The following DPYSL4 variants were observed in gnomAD, a reference collection of about 807,000 sequenced individuals.
DPYSL4 encodes the protein dihydropyrimidinase like 4, also known as dihydropyrimidinase-related protein 4.
DPYSL4 carries 43 observed loss-of-function variants against 63.4 expected under a neutral mutation model. The ratio of observed to expected loss-of-function variants is 0.68; its 90% CI spans 0.53 to 0.88. DPYSL4 has a LOEUF of 0.88. Ranked by LOEUF, DPYSL4 falls within the 40% of genes least tolerant of loss-of-function variation. The pLI is 0.00. For missense variants in DPYSL4, 733 were observed against 819.5 expected (o/e 0.89, Z 1.29); for synonymous variants, 353 against 331.7 (o/e 1.06, Z -0.70).
rs368052882 is a variant in DPYSL4, at chr10:132,202,759, G to A, written c.1395G>A (p.Ala465=). ...EDGKMFVTPG[A]GRFVPRKTFP... is the part of the protein sequence containing the mutation. ...GGAAGATGTTTGTCACCCCGGGGGC[G>A]GGCCGCTTCGTCCCTCGGAAAACAT... The change falls in exon 12 of 14, where the codon GCG becomes GCA. Residue 465 remains alanine, a synonymous_variant. Transcript: ENST00000338492. 99 of 1,612,762 alleles carry A rather than the reference G, an allele frequency of 6.1e-5. No homozygotes were observed. In the African/African-American group the frequency reaches 6.7e-4, roughly 11 times the overall value.
Position 132,192,695 on chromosome 10 carries a change from A to G in DPYSL4, c.166A>G (p.Lys56Glu). 1.9e-6 allele frequency: 3 copies of G among 1,612,846 alleles called. No homozygotes were observed. Among genetic ancestry groups the G allele is most frequent in the East Asian group, 2.2e-5 (1 of 44,856 alleles). Residue 56 changes from lysine (K) to glutamate (E), a missense_variant, in exon 3 of 14, where the codon AAG becomes GAG. By Grantham distance (56) the Lys-to-Glu change is moderately conservative (BLOSUM62 1). Coordinates refer to ENST00000338492, the MANE Select transcript of DPYSL4 (RefSeq NM_006426.3). ...AAACCTCATCGTCCCTGGGGGCATC[A>G]AGACCATTGACGCCCACGGCCTGAT... ...GENLIVPGGI[K>E]TIDAHGLMVL... is the part of the protein sequence containing the mutation.
rs1274378002 is a variant in DPYSL4 at position 132,196,926 on chromosome 10, A to G, written c.540+4A>G. On this transcript the variant is annotated splice_donor_region_variant and intron_variant, in intron 5 of 13. Transcript: ENST00000338492. Reference sequence around the variant, plus strand: ...GTGCCAGTGCAGCGACAGCCAGGTAAGGGCAGGCGTGGGGAACGGAGTGGG... The same window carrying G: ...GTGCCAGTGCAGCGACAGCCAGGTAGGGGCAGGCGTGGGGAACGGAGTGGG... The G allele has an allele frequency of 6.2e-7, 1 of 1,606,048 alleles. No individual in the cohort carries two copies. The highest frequency in any genetic ancestry group is 1.7e-5 in the Admixed American group (1 of 59,394).
rs763285922 is a variant in DPYSL4, at chr10:132,204,925, T to C, written c.1714T>C (p.Ser572Pro). ...PGGRSNITSL[S>P] ...CGGCCGCTCCAACATCACCTCTCTC[T>C]CCTAGACGCCCAGGACCGGCCCTGT... Residue 572 changes from serine (S) to proline (P), a missense_variant, in exon 14 of 14, where the codon TCC (serine) becomes CCC (proline). Coordinates refer to ENST00000338492, the MANE Select transcript of DPYSL4 (RefSeq NM_006426.3). 3 of 1,609,186 alleles carry C rather than the reference T, an allele frequency of 1.9e-6. No individual in the cohort carries two copies. The highest frequency in any genetic ancestry group is 1.1e-5 in the South Asian group (1 of 90,582).
intron 12 of DPYSL4, 23 bp from the exon 13 acceptor site, chr10:132,203,739 C>T: frequency 3.8e-6 from 6 of 1,589,336 alleles, no homozygotes; most frequent in Non-Finnish European, 5.2e-6. Flanking sequence ...CATGCCCTGT[C>T]TCTGCCCCCA....
At chr10:132,202,185 G>A (rs1281646484) in intron 11 of DPYSL4, 69 bp downstream of exon 11, 2 of 1,558,476 alleles carry the variant, frequency 1.3e-6, no homozygotes, top group Non-Finnish European at 1.7e-6. Context: ...GCCTTCCCAG[G>A]AGAGGCGCAG....
chr10:132,200,358 G>C lies in DPYSL4; in HGVS notation c.814G>C (p.Val272Leu). ...DAIAQAKRRG[V>L]VVFGEPITAS... ...CTCTCATGGGCCTCGTGCTGCAGGG[G>C]TGGTCGTGTTTGGGGAGCCCATCAC... The change falls in exon 9 of 14, where the codon GTG (valine) becomes CTG (leucine). Residue 272 changes from valine to leucine, a missense_variant and splice_region_variant. Transcript: ENST00000338492. 1 of 1,613,178 alleles carries C rather than the reference G, an allele frequency of 6.2e-7. No homozygotes were observed. The highest frequency in any genetic ancestry group is 8.5e-7 in the Non-Finnish European group (1 of 1,179,862).
intron 2 of DPYSL4, chr10:132,192,428 C>T (rs2061890314): frequency 3.4e-6 from 4 of 1,181,644 alleles, no homozygotes; most frequent in South Asian, 3.6e-5. Flanking sequence ...AACCACAGGG[C>T]GTGGCGTCTG....
chr10:132,204,245 C>G (rs1040460601), intron 13 of DPYSL4, among the ~76,000 whole-genome samples: 1 of 152,176 alleles, frequency 6.6e-6, no homozygotes, highest in Non-Finnish European at 1.5e-5. Flanking sequence ...GAGGCCTTGA[C>G]GAGGATCTCA....
chr10:132,199,498 G>A (rs2061985011), intron 8 of DPYSL4, among the ~76,000 whole-genome samples: 1 of 152,030 alleles, frequency 6.6e-6, no homozygotes, highest in Non-Finnish European at 1.5e-5. Flanking sequence ...TGGAGCCCCA[G>A]CAATCACTGG....
chr10:132,188,487 C>T (rs764720213), intron 1 of DPYSL4, among the ~76,000 whole-genome samples: 3 of 152,218 alleles, frequency 2.0e-5, no homozygotes, highest in African/African-American at 4.8e-5. Context: ...GCAGCCAGGG[C>T]CTGATGCGGC....
rs762036818 is a variant in DPYSL4, at chr10:132,190,775, G to A, written c.68G>A (p.Arg23Lys). The change falls in exon 2 of 14, where the codon AGG (arginine) becomes AAG (lysine). Residue 23 changes from arginine (R) to lysine (K), a missense_variant. Arg to Lys is a conservative substitution (Grantham distance 26). Transcript: ENST00000338492. ...GACCGCCTTCTGATCAGAGGTGGGA[G>A]GATCGTGAATGACGACCAGTCCTTT... ...TSDRLLIRGG[R>K]IVNDDQSFYA... is the part of the protein sequence containing the mutation. The A allele has an allele frequency of 6.2e-7, 1 of 1,613,756 alleles. No homozygotes were observed.
rs372245941 is a variant in DPYSL4, at chr10:132,196,385, C to G, written c.479-476C>G. On this transcript the variant is annotated intron_variant, in intron 4 of 13. Coordinates refer to ENST00000338492, the MANE Select transcript of DPYSL4 (RefSeq NM_006426.3). ...ATCTGGGTGGTCCCACAAGCCTGCA[C>G]TGTGAGCCAGGCATGGCAAGTGGGG... Among the ~76,000 whole-genome samples, 35 of 152,370 alleles carry G rather than the reference C, an allele frequency of 2.3e-4. 2 individuals are homozygous for G. In the South Asian group the frequency reaches 6.0e-3, roughly 26 times the overall value.
intron 9 of DPYSL4, 49 bp downstream of exon 9, chr10:132,200,561 C>A: frequency 1.2e-6 from 2 of 1,600,822 alleles, no homozygotes; most frequent in Non-Finnish European, 8.5e-7. Context: ...GCTGCACACC[C>A]TGCCAAGGCT....
chr10:132,201,868 G>A, intron 10 of DPYSL4, 78 bp from the exon 11 acceptor site: 4 of 1,469,658 alleles, frequency 2.7e-6, no homozygotes, highest in Non-Finnish European at 2.8e-6. Flanking sequence ...TGGGGTCCTG[G>A]TGGCCCAGTG....
Position 132,196,869 on chromosome 10 carries a change from T to G in DPYSL4, c.487T>G (p.Ser163Ala). The G allele has an allele frequency of 1.2e-6, 2 of 1,613,734 alleles. No individual in the cohort carries two copies. Among genetic ancestry groups the G allele is most frequent in the African/African-American group, 2.7e-5 (2 of 75,060 alleles). Residue 163 changes from serine to alanine, a missense_variant, in exon 5 of 14, where the codon TCC becomes GCC. Ser to Ala is a moderately conservative substitution (Grantham distance 99). Coordinates refer to ENST00000338492, the MANE Select transcript of DPYSL4 (RefSeq NM_006426.3). ...EALVKEKGVN[S>A]FLVFMAYKDR... ...CCCTGCCTCTTCTCCAGGTGTGAAC[T>G]CCTTCCTGGTCTTCATGGCATACAA... is the stretch of plus-strand genomic sequence containing the variant.
At chr10:132,201,460 G>A (rs902359613) in intron 10 of DPYSL4, among the ~76,000 whole-genome samples, 1 of 152,216 alleles carries the variant, frequency 6.6e-6, no homozygotes, top group African/African-American at 2.4e-5. Context: ...CACAGGTGTT[G>A]CCACTGAAGC....
intron 3 of DPYSL4, 69 bp from the exon 4 acceptor site, chr10:132,194,776 C>CCT: frequency 6.4e-7 from 1 of 1,567,864 alleles, no homozygotes; most frequent in Non-Finnish European, 8.7e-7. Flanking sequence ...AACAGAATCT[C>CCT]CCATGGAGGA....
At chr10:132,194,767 A>G (rs892789466) in intron 3 of DPYSL4, 78 bp from the exon 4 acceptor site, 3 of 1,550,880 alleles carry the variant, frequency 1.9e-6, no homozygotes, top group Admixed American at 3.5e-5. Context: ...GGAACATGAA[A>G]CAGAATCTCC....
chr10:132,186,997 C>CGA lies in DPYSL4; in HGVS notation c.-67_-66insGA. 1 of 100,682 alleles carries CGA rather than the reference C, an allele frequency of 9.9e-6. No individual in the cohort carries two copies. The highest frequency in any genetic ancestry group is 1.3e-4 in the Admixed American group (1 of 7,724). The allele number at this position is 100,682 out of a possible 1,614,324, so 6.2% of individuals were successfully genotyped here. ...CGCACGCGTCCCGGCTCACGCGTCC[C>CGA]CCCGCCCGCCCGCCCGCCCGCCCGC... On this transcript the variant is annotated 5_prime_UTR_variant, in exon 1 of 14. Transcript: ENST00000338492.
Sources: allele counts gnomAD v4.1 joint callset (sites outside exome capture counted in the v4.1 genomes callset), GRCh38; gene constraint gnomAD v4.1.1; transcripts MANE v1.5; gene names NCBI Gene and HGNC (gene_info 2026-07-23, HGNC 2026-07-21).